RABGAP1L: variants seen among roughly 807,000 people sequenced by gnomAD.
The protein encoded by RABGAP1L is rab GTPase-activating protein 1-like.
RABGAP1L carries 63 observed loss-of-function variants against 137.7 expected under a neutral mutation model. That is an observed-to-expected ratio of 0.46 (90% confidence interval 0.37 to 0.56). The LOEUF (loss-of-function observed/expected upper bound fraction) is 0.56. RABGAP1L is among the 20% of genes least tolerant of loss of function. The pLI is 0.00. For synonymous variants in RABGAP1L, 431 were observed against 433.7 expected (o/e 0.99, Z 0.08); for missense variants, 1,095 against 1,244.0 (o/e 0.88, Z 1.80).
At chr1:174,478,281 G>T (rs902426971) in intron 13 of RABGAP1L, among the ~76,000 whole-genome samples, 1 of 151,670 alleles carries the variant, frequency 6.6e-6, no homozygotes, top group East Asian at 1.9e-4. Context: ...AGGTGTGTGT[G>T]TGTGGTTGAG....
intron 11 of RABGAP1L, among the ~76,000 whole-genome samples, chr1:174,314,366 C>G (rs1320052270): frequency 1.3e-5 from 2 of 151,998 alleles, no homozygotes; most frequent in Non-Finnish European, 2.9e-5. Context: ...TCTCTGTTTT[C>G]CTTTCTGATC....
intron 13 of RABGAP1L, among the ~76,000 whole-genome samples, chr1:174,482,893 A>G (rs1366558972): frequency 7.9e-5 from 12 of 152,226 alleles, no homozygotes; most frequent in Admixed American, 7.9e-4. Flanking sequence ...GTAGAAGCTC[A>G]ATAAGTATTG....
chr1:174,759,183 TC>T (rs1028528734), intron 18 of RABGAP1L, among the ~76,000 whole-genome samples: 2 of 151,476 alleles, frequency 1.3e-5, no homozygotes, highest in Non-Finnish European at 2.9e-5. Flanking sequence ...GAACTTGCAT[TC>T]CAATGAGAGA....
At chr1:174,366,778 G>GAAAAAA (rs71117562) in intron 11 of RABGAP1L, among the ~76,000 whole-genome samples, 33 of 94,810 alleles carry the variant, frequency 3.5e-4, no homozygotes, top group African/African-American at 7.6e-4. Context: ...CCGTCTCCAG[G>GAAAAAA]AAAAAAAAAA....
At chr1:174,596,316 C>T (rs958335533) in intron 13 of RABGAP1L, among the ~76,000 whole-genome samples, 6 of 151,840 alleles carry the variant, frequency 4.0e-5, no homozygotes, top group African/African-American at 7.3e-5. Context: ...CCGTCTTCTG[C>T]GTGGCTCACG....
chr1:174,376,288 C>T (rs1685541979), intron 12 of RABGAP1L, among the ~76,000 whole-genome samples: 1 of 152,020 alleles, frequency 6.6e-6, no homozygotes, highest in Admixed American at 6.6e-5. Flanking sequence ...ATAAATTCTA[C>T]ATAAACTTTC....
At chr1:174,525,191 A>G (rs369994463) in intron 13 of RABGAP1L, among the ~76,000 whole-genome samples, 2 of 152,132 alleles carry the variant, frequency 1.3e-5, no homozygotes, top group East Asian at 3.9e-4. Context: ...ATTACATTGT[A>G]ATTTTATAGG....
At chr1:174,707,218 C>T (rs78267207) in intron 17 of RABGAP1L, among the ~76,000 whole-genome samples, 3 of 150,388 alleles carry the variant, frequency 2.0e-5, no homozygotes, top group Non-Finnish European at 3.0e-5. Context: ...AGGTTTTGTT[C>T]TGTTTTGTTT....
At chr1:174,170,542 G>A (rs975923782) in intron 1 of RABGAP1L, among the ~76,000 whole-genome samples, 1 of 152,042 alleles carries the variant, frequency 6.6e-6, no homozygotes, top group Non-Finnish European at 1.5e-5. Flanking sequence ...AGGCGTGGTG[G>A]CATGTGCCTG....
chr1:174,226,388 C>T (rs1670179330), intron 3 of RABGAP1L, among the ~76,000 whole-genome samples: 1 of 152,176 alleles, frequency 6.6e-6, no homozygotes, highest in South Asian at 2.1e-4. Context: ...TAGCGAAACC[C>T]AATCTCAATA....
chr1:174,197,482 A>G (rs1025408544), intron 1 of RABGAP1L, among the ~76,000 whole-genome samples: 7 of 152,192 alleles, frequency 4.6e-5, no homozygotes, highest in Non-Finnish European at 7.3e-5. Flanking sequence ...TACACTTGGA[A>G]AACCATAGAA....
intron 11 of RABGAP1L, among the ~76,000 whole-genome samples, chr1:174,363,461 G>A (rs182943179): frequency 6.6e-6 from 1 of 152,096 alleles, no homozygotes; most frequent in Non-Finnish European, 1.5e-5. Flanking sequence ...ATTTCTTTGA[G>A]CAGTGGTTTG....
chr1:174,830,147 C>A (rs1464982742), intron 19 of RABGAP1L, among the ~76,000 whole-genome samples: 2 of 147,876 alleles, frequency 1.4e-5, no homozygotes, highest in African/African-American at 4.9e-5. Flanking sequence ...AAGGCAAGAT[C>A]CAGTGCACAA....
intron 19 of RABGAP1L, chr1:174,849,862 T>C (rs1450814699): frequency 1.8e-6 from 1 of 561,836 alleles, no homozygotes; most frequent in Non-Finnish European, 3.5e-6. Context: ...ATATTTATCA[T>C]ATTAAAGTGA....
At chr1:174,673,201 G>A (rs1360959175) in intron 14 of RABGAP1L, among the ~76,000 whole-genome samples, 1 of 151,962 alleles carries the variant, frequency 6.6e-6, no homozygotes, top group Non-Finnish European at 1.5e-5. Flanking sequence ...TAAGTAAAAG[G>A]ATACTAATTG....
At chr1:174,238,756 C>G (rs1263257623) in intron 4 of RABGAP1L, 1 of 150,916 alleles carries the variant, frequency 6.6e-6, no homozygotes, top group African/African-American at 2.5e-5. Flanking sequence ...GTGGAGCCTA[C>G]AGAGGCAGGC....
chr1:174,421,730 C>A (rs1350813221), intron 13 of RABGAP1L, among the ~76,000 whole-genome samples: 1 of 152,166 alleles, frequency 6.6e-6, no homozygotes, highest in Admixed American at 6.6e-5. Context: ...TTCATACTGC[C>A]TGATGAAAGT....
chr1:174,438,744 G>GTATATATATATA (rs71117563), intron 13 of RABGAP1L, among the ~76,000 whole-genome samples: 2,811 of 95,026 alleles, frequency 0.03, 103 homozygotes, highest in African/African-American at 0.07. Context: ...GTGTGTGTGT[G>GTATATATATATA]TATATATATA....
intron 13 of RABGAP1L, among the ~76,000 whole-genome samples, chr1:174,576,725 A>G (rs949165503): frequency 1.3e-5 from 2 of 152,210 alleles, no homozygotes; most frequent in Non-Finnish European, 2.9e-5. Context: ...AAACTGAGCT[A>G]GATCTCTAAA....
Sources: gnomAD v4.1 joint callset for allele counts (sites outside exome capture counted in the v4.1 genomes callset) on GRCh38, gnomAD v4.1.1 for gene constraint, MANE v1.5 for transcripts, NCBI Gene and HGNC (gene_info 2026-07-23, HGNC 2026-07-21) for gene names.